Variants in STON1 observed in about 807,000 individuals in gnomAD.
STON1 encodes the protein stonin 1.
In STON1, 79 loss-of-function variants were observed where a neutral mutation model predicts 60.9. That is an observed-to-expected ratio of 1.30 (90% CI 1.08 to 1.56). The LOEUF is 1.56. Among genes scored for constraint, STON1 ranks in the 40% most tolerant of loss-of-function variants. The pLI is 0.00. For missense variants in STON1, 1,166 were observed against 858.9 expected (o/e 1.36, Z -4.47); for synonymous variants, 363 against 306.9 (o/e 1.18, Z -1.91).
chr2:48,572,239 C>A (rs1468266154), intron 1 of STON1, among the ~76,000 whole-genome samples: 1 of 152,126 alleles, frequency 6.6e-6, no homozygotes, highest in East Asian at 1.9e-4. Context: ...CAGTGGGAAG[C>A]AGGCCTCCCC....
rs912257074 is a variant in STON1, at chr2:48,592,904, C to T, written c.2133+1049C>T. Among the ~76,000 whole-genome samples, 8 of 151,904 alleles carry T rather than the reference C, an allele frequency of 5.3e-5. No individual in the cohort carries two copies. The South Asian group carries it at 8.3e-4, about 16-fold the overall frequency. On this transcript the variant is annotated intron_variant, in intron 3 of 3. Transcript: ENST00000404752. ...TGCTGGGATTACAAGCGTGAGCCACCGTATCCAGCCTGGTATTATGGTAGT... is the reference window on the plus strand; with the variant it reads ...TGCTGGGATTACAAGCGTGAGCCACTGTATCCAGCCTGGTATTATGGTAGT...
intron 3 of STON1, among the ~76,000 whole-genome samples, chr2:48,593,778 G>A (rs1674653437): frequency 6.6e-6 from 1 of 152,136 alleles, no homozygotes; most frequent in Non-Finnish European, 1.5e-5. Context: ...ATGTGAGTCA[G>A]GATTTTTCTT....
At chr2:48,587,934 C>T (rs990488746) in intron 2 of STON1, among the ~76,000 whole-genome samples, 9 of 152,118 alleles carry the variant, frequency 5.9e-5, no homozygotes, top group African/African-American at 2.2e-4. Context: ...GATTACAGGG[C>T]CCTGCCCCAA....
chr2:48,564,484 T>C lies in STON1; in HGVS notation c.-47-16103T>C, dbSNP rs1572952703. Among the ~76,000 whole-genome samples the C allele has an allele frequency of 8.2e-4, 19 of 23,276 alleles. 4 individuals are homozygous for C. Among genetic ancestry groups the C allele is most frequent in the Non-Finnish European group, 1.4e-3 (16 of 11,448 alleles). 15.3% of individuals were successfully genotyped at this position (23,276 alleles called of 152,430 possible). Reference sequence around the variant, plus strand: ...TTCTTCTTCTTCTTCTTCTTCTTTCTTCTTCTTCTTCTTCTTCTTCTTCTT... The same window carrying C: ...TTCTTCTTCTTCTTCTTCTTCTTTCCTCTTCTTCTTCTTCTTCTTCTTCTT... On this transcript the variant is annotated intron_variant, in intron 1 of 3. Coordinates refer to ENST00000404752, the MANE Select transcript of STON1 (RefSeq NM_006873.4).
At chr2:48,531,126 G>C (rs1671193637) in intron 1 of STON1, 1 of 152,120 alleles carries the variant, frequency 6.6e-6, no homozygotes, top group Non-Finnish European at 1.5e-5. Flanking sequence ...GTTTTCCTGG[G>C]AGATAGAAGT....
chr2:48,544,940 C>G (rs1002810403), intron 1 of STON1, among the ~76,000 whole-genome samples: 5 of 152,146 alleles, frequency 3.3e-5, no homozygotes, highest in African/African-American at 1.2e-4. Context: ...CCTTTGCAAC[C>G]AGGAATCCCT....
intron 2 of STON1, among the ~76,000 whole-genome samples, chr2:48,589,556 T>A (rs1480978654): frequency 6.6e-6 from 1 of 152,208 alleles, no homozygotes; most frequent in Non-Finnish European, 1.5e-5. Context: ...TTTAGCATTT[T>A]CAAAAGCCTT....
rs1572630774 is a variant in STON1, at chr2:48,580,752, T to A, written c.119T>A (p.Leu40Gln). The change falls in exon 2 of 4, where the codon CTG becomes CAG. Residue 40 changes from leucine (L) to glutamine (Q), a missense_variant. By Grantham distance (113) the Leu-to-Gln change is moderately radical. Transcript: ENST00000404752. Reference protein sequence around the residue: ...ENQGVCRPNGLKLNLPGLREF... With the variant: ...ENQGVCRPNGQKLNLPGLREF... ...CAAGGTGTCTGTAGACCAAATGGAC[T>A]GAAGCTGAACCTTCCTGGCCTCAGG... The A allele has an allele frequency of 6.4e-7, 1 of 1,552,904 alleles. No homozygotes were observed. The highest frequency in any genetic ancestry group is 8.7e-7 in the Non-Finnish European group (1 of 1,150,462).
intron 2 of STON1, among the ~76,000 whole-genome samples, chr2:48,586,673 A>G (rs1674225587): frequency 6.6e-6 from 1 of 151,066 alleles, no homozygotes; most frequent in Non-Finnish European, 1.5e-5. Context: ...CTTGTGGGCC[A>G]TGCTGTGGGG....
At chr2:48,583,633 C>T (rs1271323019) in intron 2 of STON1, among the ~76,000 whole-genome samples, 1 of 150,074 alleles carries the variant, frequency 6.7e-6, no homozygotes, top group Non-Finnish European at 1.5e-5. Flanking sequence ...TTTTTTTTCC[C>T]CCCTAGCAGA....
At chr2:48,538,034 A>G (rs139691743) in intron 1 of STON1, among the ~76,000 whole-genome samples, 4,025 of 151,354 alleles carry the variant, frequency 0.027, 89 homozygotes, top group African/African-American at 0.06. Context: ...GCTCACTGCA[A>G]CCTCCGACTC....
At chr2:48,563,962 G>C (rs1672719347) in intron 1 of STON1, among the ~76,000 whole-genome samples, 1 of 151,812 alleles carries the variant, frequency 6.6e-6, no homozygotes, top group Non-Finnish European at 1.5e-5. Context: ...GCCCTCCAAA[G>C]TGCTGGGATT....
chr2:48,545,797 T>G (rs1195896969), intron 1 of STON1, among the ~76,000 whole-genome samples: 1 of 152,232 alleles, frequency 6.6e-6, no homozygotes, highest in Non-Finnish European at 1.5e-5. Context: ...TTGTGATGTA[T>G]GTGGCTCAGG....
At chr2:48,546,384 G>T (rs1239345828) in intron 1 of STON1, among the ~76,000 whole-genome samples, 1 of 152,178 alleles carries the variant, frequency 6.6e-6, no homozygotes, top group Admixed American at 6.5e-5. Context: ...CACACACTCA[G>T]CTCTGTGCAC....
chr2:48,577,052 T>C (rs1673553247), intron 1 of STON1, among the ~76,000 whole-genome samples: 1 of 114,264 alleles, frequency 8.8e-6, no homozygotes. Flanking sequence ...AGATTCCATC[T>C]CAAAAAAAAA....
chr2:48,554,491 A>G (rs1558588494), intron 1 of STON1, among the ~76,000 whole-genome samples: 2 of 152,060 alleles, frequency 1.3e-5, no homozygotes, highest in Non-Finnish European at 2.9e-5. Context: ...CCAAAGTGCT[A>G]GGATTACAGG....
chr2:48,573,441 T>TA (rs1673320401), intron 1 of STON1, among the ~76,000 whole-genome samples: 1 of 152,198 alleles, frequency 6.6e-6, no homozygotes, highest in Non-Finnish European at 1.5e-5. Context: ...TAGCATCACT[T>TA]TGGAGTTGGA....
At position 48,592,097 on chromosome 2, in the gene STON1, A is replaced by T. The variant is rs997042833; in HGVS notation, c.2133+242A>T. Among the ~76,000 whole-genome samples, 4 of 152,170 alleles carry T rather than the reference A, an allele frequency of 2.6e-5. No individual in the cohort carries two copies. In the South Asian group the frequency reaches 8.3e-4, roughly 31 times the overall value. ...AATGAAAAACAGGACATTAAAAATG[A>T]ATCTACATTTTAGAAGCATATTTAT... On this transcript the variant is annotated intron_variant, in intron 3 of 3. Transcript: ENST00000404752.
intron 1 of STON1, among the ~76,000 whole-genome samples, chr2:48,541,750 A>G (rs1671664139): frequency 6.6e-6 from 1 of 151,598 alleles, no homozygotes; most frequent in Admixed American, 6.6e-5. Context: ...AATACAGCAA[A>G]GTAAATACAT....
Sources: gnomAD v4.1 joint callset for allele counts (sites outside exome capture counted in the v4.1 genomes callset) on GRCh38, gnomAD v4.1.1 for gene constraint, MANE v1.5 for transcripts, NCBI Gene and HGNC (gene_info 2026-07-23, HGNC 2026-07-21) for gene names.